CHD2: variants seen among roughly 807,000 people sequenced by gnomAD.
The protein encoded by CHD2 is chromodomain helicase DNA binding protein 2, also known as ATP-dependent chromatin remodeler CHD2.
Under a neutral mutation model 243.9 loss-of-function variants are expected in CHD2, and 28 were observed. That is an observed-to-expected ratio of 0.11 (90% CI 0.09 to 0.16). The LOEUF is 0.16. CHD2 is among the 10% of genes least tolerant of loss of function. CHD2 has a pLI of 1.00. For missense variants in CHD2, 1,386 were observed against 2,209.8 expected (o/e 0.63, Z 7.47); for synonymous variants, 775 against 779.0 (o/e 0.99, Z 0.09).
At chr15:92,917,581 GAAA>G (rs1004330159) in intron 2 of CHD2, among the ~76,000 whole-genome samples, 5 of 151,628 alleles carry the variant, frequency 3.3e-5, no homozygotes, top group Admixed American at 2.6e-4. Context: ...CAAGCAAAAA[GAAA>G]AAAAAGGTGT....
At chr15:92,985,193 A>G (rs956787090) in intron 25 of CHD2, among the ~76,000 whole-genome samples, 1 of 152,270 alleles carries the variant, frequency 6.6e-6, no homozygotes, top group South Asian at 2.1e-4. Flanking sequence ...ATAAAGGCAC[A>G]AAGAGTAAAA....
Position 92,997,114 on chromosome 15 carries a change from C to G in CHD2, c.3734+19C>G. 6.2e-7 allele frequency: 1 copy of G among 1,606,338 alleles called. No homozygotes were observed. The stretch of plus-strand genomic sequence containing the variant: ...AAAAAAAGTGAGTATATTTTGTGTA[C>G]ATGCTTAGATGGTCGTACCGTAAGA... On this transcript the variant is annotated intron_variant, in intron 29 of 38. Transcript: ENST00000394196. This position sits in a 1 kb window ranked among gnomAD's most constrained non-coding sequence, Gnocchi z 4.1.
At chr15:93,019,312 A>AT (rs2054501837) in intron 37 of CHD2, among the ~76,000 whole-genome samples, 1 of 152,302 alleles carries the variant, frequency 6.6e-6, no homozygotes, top group South Asian at 2.1e-4. Context: ...CAGCGGTATC[A>AT]TTTTCTGAAT....
chr15:92,996,042 A>G (rs1465003375), intron 28 of CHD2, among the ~76,000 whole-genome samples: 2 of 152,216 alleles, frequency 1.3e-5, no homozygotes, highest in Non-Finnish European at 2.9e-5. Context: ...TTCTATTGAA[A>G]GGAGTTTTCC....
chr15:92,980,468 T>C (rs191666140), intron 22 of CHD2, among the ~76,000 whole-genome samples: 1 of 152,290 alleles, frequency 6.6e-6, no homozygotes, highest in Admixed American at 6.5e-5. Flanking sequence ...TCTTTTATTT[T>C]GGACCGGGGT....
chr15:92,938,162 T>C (rs1316811067), intron 6 of CHD2, among the ~76,000 whole-genome samples: 1 of 152,224 alleles, frequency 6.6e-6, no homozygotes, highest in African/African-American at 2.4e-5. Flanking sequence ...ACTATGCCCT[T>C]TGGGCCAAAT....
At chr15:92,957,791 A>G (rs1377366965) in intron 16 of CHD2, among the ~76,000 whole-genome samples, 1 of 152,104 alleles carries the variant, frequency 6.6e-6, no homozygotes, top group Non-Finnish European at 1.5e-5. Flanking sequence ...CCTCATCCCA[A>G]AAAGTTCCCC....
chr15:92,945,653 C>A lies in CHD2; in HGVS notation c.1154-168C>A, dbSNP rs953286104. 21 of 379,356 alleles carry A rather than the reference C, an allele frequency of 5.5e-5. No homozygotes were observed. The East Asian group carries it at 9.2e-4, about 17-fold the overall frequency. The allele number at this position is 379,356 out of a possible 1,614,324, so 23.5% of individuals were successfully genotyped here. A position where few individuals can be genotyped will look rare whatever the true frequency, so the allele number is the denominator to read the frequency against. On this transcript the variant is annotated intron_variant, in intron 10 of 38. Coordinates refer to ENST00000394196, the MANE Select transcript of CHD2 (RefSeq NM_001271.4). ...CCTCAAGCAATCTGCCTGCCTTGGC[C>A]TCCCAAAGTGCTGGGATTACAGGCG...
rs1435475599 is a variant in CHD2 at position 92,998,679 on chromosome 15, TTAGG to T, written c.4008+63_4008+66del. The T allele has an allele frequency of 6.3e-6, 10 of 1,585,100 alleles. No individual in the cohort carries two copies. Among genetic ancestry groups the T allele is most frequent in the Admixed American group, 3.5e-5 (2 of 57,498 alleles). ...GGCCTGAGGCTCCTACCCTGCAGAA[TTAGG>T]TAGGAAGAGAGAGGCCCTCTCTGAG... On this transcript the variant is annotated intron_variant, in intron 31 of 38. Transcript: ENST00000394196. This position sits in a 1 kb window ranked among gnomAD's most constrained non-coding sequence, Gnocchi z 5.1.
chr15:92,942,774 C>A, intron 8 of CHD2, 69 bp from the exon 9 acceptor site: 1 of 1,244,248 alleles, frequency 8.0e-7, no homozygotes, highest in Non-Finnish European at 1.1e-6. Flanking sequence ...CAGATAATTG[C>A]ATTCTTGGGA....
intron 16 of CHD2, among the ~76,000 whole-genome samples, chr15:92,962,871 G>T (rs1846557400): frequency 6.6e-6 from 1 of 151,894 alleles, no homozygotes; most frequent in African/African-American, 2.4e-5. Context: ...CCTTTTTCTG[G>T]TCAATATCAG....
intron 37 of CHD2, among the ~76,000 whole-genome samples, chr15:93,015,870 G>A (rs1287338959): frequency 6.6e-6 from 1 of 152,204 alleles, no homozygotes; most frequent in Non-Finnish European, 1.5e-5. Context: ...GGTTGCCAAG[G>A]ATGTGGAGGA....
At position 93,026,735 on chromosome 15, in the gene CHD2, A is replaced by G. The variant is rs1307745385; in HGVS notation, c.*2030A>G. The G allele has an allele frequency of 6.6e-6, 1 of 152,260 alleles. No homozygotes were observed. The highest frequency in any genetic ancestry group is 1.5e-5 in the Non-Finnish European group (1 of 68,084). The allele number at this position is 152,260 out of a possible 1,614,324, so 9.4% of individuals were successfully genotyped here. The stretch of plus-strand genomic sequence containing the variant: ...TTGCCGATAATACTGACTCTAGCCC[A>G]TGATTGCCTTGCCCAAGCCAAAGAG... On this transcript the variant is annotated 3_prime_UTR_variant, in exon 39 of 39. Transcript: ENST00000394196.
chr15:92,905,090 C>T, intron 2 of CHD2: 1 of 1,246,666 alleles, frequency 8.0e-7, no homozygotes, highest in Admixed American at 2.3e-5. Flanking sequence ...CGTTCAATAA[C>T]ATTAAAAAGT....
chr15:92,963,865 A>G (rs1055980424), intron 16 of CHD2, among the ~76,000 whole-genome samples: 10 of 152,254 alleles, frequency 6.6e-5, no homozygotes, highest in Admixed American at 5.2e-4. Context: ...AGTAAGAGTT[A>G]TGAGACACAG....
At chr15:92,993,680 C>T (rs11630052) in intron 28 of CHD2, among the ~76,000 whole-genome samples, 2 of 152,074 alleles carry the variant, frequency 1.3e-5, no homozygotes, top group South Asian at 2.1e-4. Flanking sequence ...CAGTGGCTCA[C>T]GCCTGTAATC....
In CHD2 at chr15:92,999,053, C is replaced by T. The variant is rs546889538; in HGVS notation, c.4008+432C>T. On this transcript the variant is annotated intron_variant, in intron 31 of 38. Coordinates refer to ENST00000394196, the MANE Select transcript of CHD2 (RefSeq NM_001271.4). ...GAGCCGAGTTCGGGCCACTGCACTCCGGCCTGGGCAACAGAGCGAGACTCC... is the reference window on the plus strand; with the variant it reads ...GAGCCGAGTTCGGGCCACTGCACTCTGGCCTGGGCAACAGAGCGAGACTCC... Among the ~76,000 whole-genome samples the T allele has an allele frequency of 1.1e-4, 15 of 135,302 alleles. No homozygotes were observed. In the East Asian group the frequency reaches 2.1e-3, roughly 19 times the overall value. 88.8% of individuals were successfully genotyped at this position (135,302 alleles called of 152,430 possible). A position where few individuals can be genotyped will look rare whatever the true frequency, so the allele number is the denominator to read the frequency against.
intron 5 of CHD2, among the ~76,000 whole-genome samples, chr15:92,930,978 C>T (rs905037008): frequency 1.3e-5 from 2 of 152,190 alleles, no homozygotes; most frequent in Non-Finnish European, 2.9e-5. Context: ...TGTGGATTTA[C>T]AGAGAGCTCT....
At chr15:92,953,830 TTC>T (rs1452874430) in intron 14 of CHD2, 3 of 437,292 alleles carry the variant, frequency 6.9e-6, no homozygotes, top group Non-Finnish European at 1.2e-5. Flanking sequence ...TAAATTTTTC[TTC>T]TCTCTGCCCT....
Sources: gnomAD v4.1 joint callset for allele counts (sites outside exome capture counted in the v4.1 genomes callset) on GRCh38, gnomAD v4.1.1 for gene constraint, Gnocchi (gnomAD v3.1) non-coding constraint, MANE v1.5 for transcripts, NCBI Gene and HGNC (gene_info 2026-07-23, HGNC 2026-07-21) for gene names.